PTCHD4: variants seen among roughly 807,000 people sequenced by gnomAD.
PTCHD4 encodes patched domain containing 4.
In PTCHD4, 33 loss-of-function variants were observed where a neutral mutation model predicts 58.1. The observed-to-expected ratio is 0.57, with a 90% confidence interval of 0.43 to 0.76. PTCHD4 has a LOEUF of 0.76. Among genes scored for constraint, PTCHD4 ranks in the 30% least tolerant of loss-of-function variants. The pLI is 0.00. For missense variants in PTCHD4, 1,058 were observed against 1,027.1 expected (o/e 1.03, Z -0.41); for synonymous variants, 478 against 409.6 (o/e 1.17, Z -2.02).
intron 4 of PTCHD4, among the ~76,000 whole-genome samples, chr6:47,965,724 C>T (rs112690056): frequency 2.0e-5 from 3 of 152,040 alleles, no homozygotes; most frequent in African/African-American, 4.8e-5. Flanking sequence ...GTCAGGAAAT[C>T]GAGACCATCT....
At chr6:48,098,635 G>A (rs1765529200) in intron 1 of PTCHD4, among the ~76,000 whole-genome samples, 1 of 152,116 alleles carries the variant, frequency 6.6e-6, no homozygotes, top group South Asian at 2.1e-4. Flanking sequence ...CACTGCACCT[G>A]CCTGGAGTTT....
At chr6:48,027,602 T>G (rs1043470272) in intron 3 of PTCHD4, among the ~76,000 whole-genome samples, 14 of 152,148 alleles carry the variant, frequency 9.2e-5, no homozygotes, top group African/African-American at 3.4e-4. Context: ...ATTTCTAACA[T>G]AAACTACTGG....
In PTCHD4 at chr6:47,869,930, A is replaced by G. The variant is rs191163517; in HGVS notation, c.*8373T>C. ...TATTATAATATTCTGTGGGGCATTT[A>G]ATACTAACAATAAAGAATGAAGAAA... On this transcript the variant is annotated 3_prime_UTR_variant, in exon 5 of 5. Transcript: ENST00000339488. Among the ~76,000 whole-genome samples the G allele has an allele frequency of 4.9e-3, 742 of 151,700 alleles. 4 individuals are homozygous for G. The highest frequency in any genetic ancestry group is 7.9e-3 in the Non-Finnish European group (536 of 67,684).
At chr6:47,969,054 T>G (rs1767405092) in intron 4 of PTCHD4, among the ~76,000 whole-genome samples, 1 of 152,206 alleles carries the variant, frequency 6.6e-6, no homozygotes. Flanking sequence ...TTTCTCATGG[T>G]TTGAATTCCA....
At chr6:47,937,377 T>TA (rs1418395802) in intron 4 of PTCHD4, among the ~76,000 whole-genome samples, 3 of 152,148 alleles carry the variant, frequency 2.0e-5, no homozygotes, top group African/African-American at 4.8e-5. Context: ...GTTTTGAAGA[T>TA]AAAATCAACA....
At position 48,068,571 on chromosome 6, in the gene PTCHD4, A is replaced by T. The variant is rs1764887020; in HGVS notation, c.76T>A (p.Ser26Thr). 1 of 1,582,008 alleles carries T rather than the reference A, an allele frequency of 6.3e-7. No individual in the cohort carries two copies. Among genetic ancestry groups the T allele is most frequent in the Non-Finnish European group, 8.6e-7 (1 of 1,168,634 alleles). Residue 26 changes from serine (S) to threonine (T), a missense_variant, in exon 3 of 5, where the codon TCG (serine) becomes ACG (threonine). Coordinates refer to ENST00000339488, the MANE Select transcript of PTCHD4 (RefSeq NM_001384253.1). The surrounding 1 kb of genome is among the most constrained non-coding windows in gnomAD (Gnocchi z 4.2). ...CACAAACCCAGCCTGTGGCAGAACG[A>T]CTGGAGCCCTCTGCGAAGCACCTGC... is the stretch of plus-strand genomic sequence containing the variant. The part of the protein sequence containing the change: ...LRQVLRRGLQ[S>T]FCHRLGLCVS...
At position 47,872,430 on chromosome 6, in the gene PTCHD4, T is replaced by C. The variant is rs962360461; in HGVS notation, c.*5873A>G. Reference sequence around the variant, plus strand: ...ACCGTAATGCTCCTCTATTAGACCATGCCATTAGCTGTTGGGAAACCAGAG... The same window carrying C: ...ACCGTAATGCTCCTCTATTAGACCACGCCATTAGCTGTTGGGAAACCAGAG... On this transcript the variant is annotated 3_prime_UTR_variant, in exon 5 of 5. Transcript: ENST00000339488. 2.6e-5 allele frequency among the ~76,000 whole-genome samples: 4 copies of C among 151,622 alleles called. No homozygotes were observed. Among genetic ancestry groups the C allele is most frequent in the Admixed American group, 6.6e-5 (1 of 15,174 alleles).
intron 4 of PTCHD4, among the ~76,000 whole-genome samples, chr6:47,939,099 C>T (rs1219148635): frequency 6.6e-6 from 1 of 152,068 alleles, no homozygotes; most frequent in African/African-American, 2.4e-5. Context: ...GAGTTGAGGA[C>T]AAGTTCTTTG....
At chr6:47,909,798 T>A (rs1391661108) in intron 4 of PTCHD4, among the ~76,000 whole-genome samples, 1 of 151,984 alleles carries the variant, frequency 6.6e-6, no homozygotes, top group Non-Finnish European at 1.5e-5. Flanking sequence ...CCATTCTTCC[T>A]TTTTTCCTTT....
intron 4 of PTCHD4, among the ~76,000 whole-genome samples, chr6:47,977,012 T>C (rs187180199): frequency 6.6e-6 from 1 of 152,170 alleles, no homozygotes; most frequent in African/African-American, 2.4e-5. Context: ...TAAAAGAGCA[T>C]GTATTCTGTG....
intron 4 of PTCHD4, among the ~76,000 whole-genome samples, chr6:47,949,438 C>A (rs1761227242): frequency 6.6e-6 from 1 of 152,128 alleles, no homozygotes; most frequent in Admixed American, 6.6e-5. Context: ...ACCTTTGCCA[C>A]CTGGTCCCTG....
Position 48,043,442 on chromosome 6 carries a change from A to G in PTCHD4, c.417+24788T>C, listed in dbSNP as rs75488932. ...AAGGCAGCGTTTTTTTGACTTTCAAAATCAAGACTGTAATTTAGAATGTTA... is the reference window on the plus strand; with the variant it reads ...AAGGCAGCGTTTTTTTGACTTTCAAGATCAAGACTGTAATTTAGAATGTTA... On this transcript the variant is annotated intron_variant, in intron 3 of 4. Coordinates refer to ENST00000339488, the MANE Select transcript of PTCHD4 (RefSeq NM_001384253.1). 3.8e-3 allele frequency among the ~76,000 whole-genome samples: 571 copies of G among 151,992 alleles called. 3 individuals carry two copies. Among genetic ancestry groups the G allele is most frequent in the African/African-American group, 0.013 (556 of 41,520 alleles).
At chr6:47,881,937 T>C (rs1228356060) in intron 4 of PTCHD4, among the ~76,000 whole-genome samples, 1 of 152,120 alleles carries the variant, frequency 6.6e-6, no homozygotes, top group Non-Finnish European at 1.5e-5. Context: ...AGGCACGTTT[T>C]TTTCATTTGG....
At chr6:48,062,530 T>A (rs146111428) in intron 3 of PTCHD4, among the ~76,000 whole-genome samples, 4 of 152,132 alleles carry the variant, frequency 2.6e-5, no homozygotes, top group Admixed American at 1.3e-4. Context: ...AAAGTACTTA[T>A]GAAAAATTTA....
At position 47,866,345 on chromosome 6, in the gene PTCHD4, G is replaced by A. The variant is rs1287112179; in HGVS notation, c.*11958C>T. On this transcript the variant is annotated 3_prime_UTR_variant, in exon 5 of 5. Coordinates refer to ENST00000339488, the MANE Select transcript of PTCHD4 (RefSeq NM_001384253.1). ...GTTGGGTCTCGCTATAGGATATATTGATTTAAGTAGTCTGGCATGAAGTCT... is the reference window on the plus strand; with the variant it reads ...GTTGGGTCTCGCTATAGGATATATTAATTTAAGTAGTCTGGCATGAAGTCT... Among the ~76,000 whole-genome samples, 2 of 151,856 alleles carry A rather than the reference G, an allele frequency of 1.3e-5. No individual in the cohort carries two copies. The highest frequency in any genetic ancestry group is 2.9e-5 in the Non-Finnish European group (2 of 67,870).
At chr6:48,091,578 A>G (rs1765365829) in intron 1 of PTCHD4, among the ~76,000 whole-genome samples, 1 of 152,046 alleles carries the variant, frequency 6.6e-6, no homozygotes, top group Non-Finnish European at 1.5e-5. Flanking sequence ...AGCAGATATT[A>G]TACTTTCTTT....
At chr6:48,104,616 G>A (rs151149059) in intron 1 of PTCHD4, among the ~76,000 whole-genome samples, 1,739 of 152,246 alleles carry the variant, frequency 0.011, 18 homozygotes, top group Non-Finnish European at 0.018. Context: ...AACCTTAAAT[G>A]TAAATGGGCT....
chr6:47,868,827 T>C lies in PTCHD4; in HGVS notation c.*9476A>G, dbSNP rs1763642553. 6.6e-6 allele frequency among the ~76,000 whole-genome samples: 1 copy of C among 151,678 alleles called. No individual in the cohort carries two copies. The highest frequency in any genetic ancestry group is 2.4e-5 in the African/African-American group (1 of 41,370). On this transcript the variant is annotated 3_prime_UTR_variant, in exon 5 of 5. Transcript: ENST00000339488. ...TTTTAGAAATGATAAAAGTTGAACA[T>C]ATTTAAAGGAAAAAAGCAGAATAAA...
intron 1 of PTCHD4, among the ~76,000 whole-genome samples, chr6:48,110,428 A>G (rs868493726): frequency 6.6e-6 from 1 of 152,134 alleles, no homozygotes; most frequent in East Asian, 1.9e-4. Context: ...AAAATAGAAT[A>G]CATAAAAGAA....
Sources: allele counts gnomAD v4.1 joint callset (sites outside exome capture counted in the v4.1 genomes callset), GRCh38; gene constraint gnomAD v4.1.1; non-coding constraint Gnocchi (gnomAD v3.1); transcripts MANE v1.5; gene names NCBI Gene and HGNC (gene_info 2026-07-23, HGNC 2026-07-21).